KCNH7: variants seen among roughly 807,000 people sequenced by gnomAD.
The protein encoded by KCNH7 is voltage-gated inwardly rectifying potassium channel KCNH7.
In KCNH7, 49 loss-of-function variants were observed where a neutral mutation model predicts 120.8. That is an observed-to-expected ratio of 0.41 (90% confidence interval 0.32 to 0.51). The LOEUF is 0.51. KCNH7 is among the 20% of genes least tolerant of loss of function. The pLI is 0.38. For synonymous variants in KCNH7, 547 were observed against 516.1 expected (o/e 1.06, Z -0.81); for missense variants, 1,097 against 1,446.6 (o/e 0.76, Z 3.92).
At chr2:162,394,347 C>A (rs141319310) in intron 12 of KCNH7, 42 bp downstream of exon 12, 5 of 1,115,050 alleles carry the variant, frequency 4.5e-6, no homozygotes, top group Non-Finnish European at 5.5e-6. Context: ...AGGCTAATTA[C>A]CACATGCTCT....
At chr2:162,809,242 C>T (rs1250300482) in intron 2 of KCNH7, among the ~76,000 whole-genome samples, 13 of 152,032 alleles carry the variant, frequency 8.6e-5, no homozygotes, top group South Asian at 8.3e-4. Flanking sequence ...GCAACTGTCC[C>T]CACACTTTTC....
intron 6 of KCNH7, among the ~76,000 whole-genome samples, chr2:162,484,534 C>T (rs1690030383): frequency 6.6e-6 from 1 of 152,046 alleles, no homozygotes; most frequent in Admixed American, 6.6e-5. Flanking sequence ...AGGATGCATC[C>T]TAACTTATTC....
At chr2:162,591,085 G>A (rs551033817) in intron 2 of KCNH7, among the ~76,000 whole-genome samples, 4 of 152,010 alleles carry the variant, frequency 2.6e-5, no homozygotes, top group South Asian at 2.1e-4. Context: ...CGAGCTCTTC[G>A]TTGGCTGTCT....
chr2:162,813,396 C>G (rs1559145796), intron 2 of KCNH7, among the ~76,000 whole-genome samples: 1 of 152,150 alleles, frequency 6.6e-6, no homozygotes, highest in Non-Finnish European at 1.5e-5. Flanking sequence ...TCACTGAAAA[C>G]TAGGGAAGAA....
intron 2 of KCNH7, among the ~76,000 whole-genome samples, chr2:162,660,080 T>G (rs6752517): frequency 0.26 from 39,198 of 151,806 alleles, 8,172 homozygotes; most frequent in African/African-American, 0.56. Flanking sequence ...ACCAGCTTTT[T>G]GTTTCATCGG....
chr2:162,486,633 C>G (rs1690103088), intron 6 of KCNH7, among the ~76,000 whole-genome samples: 1 of 152,066 alleles, frequency 6.6e-6, no homozygotes, highest in Admixed American at 6.6e-5. Flanking sequence ...CACTATTACC[C>G]CATGTCTATC....
intron 8 of KCNH7, among the ~76,000 whole-genome samples, chr2:162,427,964 A>G (rs994589245): frequency 6.6e-6 from 1 of 151,672 alleles, no homozygotes; most frequent in Non-Finnish European, 1.5e-5. Flanking sequence ...AATTACTTCC[A>G]TTAACTTTCT....
chr2:162,424,902 A>G (rs556821307), intron 8 of KCNH7, among the ~76,000 whole-genome samples: 1 of 152,248 alleles, frequency 6.6e-6, no homozygotes, highest in East Asian at 1.9e-4. Context: ...ACTGGGCCAC[A>G]GTGTGCCTGG....
intron 2 of KCNH7, among the ~76,000 whole-genome samples, chr2:162,653,052 T>G (rs1364055530): frequency 6.6e-6 from 1 of 152,156 alleles, no homozygotes. Context: ...TCCATTTCAC[T>G]TGGGGGAAAC....
intron 2 of KCNH7, among the ~76,000 whole-genome samples, chr2:162,779,498 C>A (rs944694403): frequency 6.6e-6 from 1 of 152,058 alleles, no homozygotes; most frequent in African/African-American, 2.4e-5. Flanking sequence ...CATGTCCAGC[C>A]CTTAAAAATT....
At chr2:162,589,893 C>A (rs557979731) in intron 2 of KCNH7, among the ~76,000 whole-genome samples, 2 of 152,128 alleles carry the variant, frequency 1.3e-5, no homozygotes, top group Admixed American at 1.3e-4. Context: ...TACGTATGTT[C>A]CCTTAAACAG....
intron 2 of KCNH7, among the ~76,000 whole-genome samples, chr2:162,564,842 C>T (rs1288470967): frequency 6.6e-6 from 1 of 152,116 alleles, no homozygotes; most frequent in Non-Finnish European, 1.5e-5. Flanking sequence ...CATCAAACTG[C>T]TTATTTCACA....
At chr2:162,495,583 C>T (rs1690470293) in intron 6 of KCNH7, among the ~76,000 whole-genome samples, 1 of 152,152 alleles carries the variant, frequency 6.6e-6, no homozygotes, top group Non-Finnish European at 1.5e-5. Context: ...ACAAAGAACT[C>T]AGTCCTATCA....
At chr2:162,802,780 G>A (rs569621579) in intron 2 of KCNH7, among the ~76,000 whole-genome samples, 16 of 151,714 alleles carry the variant, frequency 1.1e-4, no homozygotes, top group African/African-American at 3.9e-4. Flanking sequence ...GATACATAAA[G>A]AACATCTCAA....
intron 2 of KCNH7, among the ~76,000 whole-genome samples, chr2:162,570,060 G>A (rs4277536): frequency 0.53 from 69,234 of 131,662 alleles, 18,885 homozygotes; most frequent in Admixed American, 0.63. Context: ...TTGGTGCAGA[G>A]CTGAGTTCAA....
At chr2:162,632,106 G>A (rs1683788666) in intron 2 of KCNH7, among the ~76,000 whole-genome samples, 1 of 151,914 alleles carries the variant, frequency 6.6e-6, no homozygotes, top group Non-Finnish European at 1.5e-5. Context: ...TGGAGATAAG[G>A]TTATATAATA....
chr2:162,501,885 T>G (rs1690698799), intron 6 of KCNH7: 1 of 152,090 alleles, frequency 6.6e-6, no homozygotes, highest in Non-Finnish European at 1.5e-5. Flanking sequence ...TAAAAGATTT[T>G]TAAATGTTAA....
At chr2:162,796,776 G>A (rs868580794) in intron 2 of KCNH7, 14 of 151,916 alleles carry the variant, frequency 9.2e-5, no homozygotes, top group African/African-American at 3.4e-4. Flanking sequence ...AATAAAATAG[G>A]TGGCATTCAT....
At chr2:162,637,118 C>G (rs566190580) in intron 2 of KCNH7, among the ~76,000 whole-genome samples, 2 of 152,190 alleles carry the variant, frequency 1.3e-5, no homozygotes, top group African/African-American at 4.8e-5. Context: ...TGCCTTCTTG[C>G]ACCTCTTTTT....
Sources: allele counts gnomAD v4.1 joint callset (sites outside exome capture counted in the v4.1 genomes callset), GRCh38; gene constraint gnomAD v4.1.1; transcripts MANE v1.5; gene names NCBI Gene and HGNC (gene_info 2026-07-23, HGNC 2026-07-21).